The following ADAMTS16 variants were observed in gnomAD, a reference collection of about 807,000 sequenced individuals.
The protein encoded by ADAMTS16 is ADAM metallopeptidase with thrombospondin type 1 motif 16, also known as A disintegrin and metalloproteinase with thrombospondin motifs 16.
ADAMTS16 carries 94 observed loss-of-function variants against 145.8 expected under a neutral mutation model. The observed-to-expected ratio is 0.64, with a 90% CI of 0.55 to 0.77. The LOEUF (loss-of-function observed/expected upper bound fraction) is 0.77, where lower values mean the gene tolerates loss of function less well. ADAMTS16 is among the 30% of genes least tolerant of loss of function. The pLI is 0.00. For synonymous variants in ADAMTS16, 659 were observed against 604.3 expected, an observed-to-expected ratio of 1.09 and a Z score of -1.33; for missense variants, 1,585 against 1,591.5, an observed-to-expected ratio of 1.00 and a Z score of 0.07.
intron 5 of ADAMTS16, among the ~76,000 whole-genome samples, chr5:5,186,704 C>T (rs1437480572): frequency 6.6e-6 from 1 of 152,084 alleles, no homozygotes; most frequent in Non-Finnish European, 1.5e-5. Context: ...AGGAAAAGTG[C>T]AACCTTTTAG....
At chr5:5,193,070 T>C (rs1026176545) in intron 8 of ADAMTS16, among the ~76,000 whole-genome samples, 2 of 152,140 alleles carry the variant, frequency 1.3e-5, no homozygotes, top group Non-Finnish European at 2.9e-5. Context: ...TGTTTGTGAT[T>C]TGTGGTTTTG....
intron 18 of ADAMTS16, among the ~76,000 whole-genome samples, chr5:5,279,081 C>G (rs1373762550): frequency 2.6e-5 from 4 of 152,158 alleles, no homozygotes; most frequent in African/African-American, 9.7e-5. Context: ...ACAGGCCAAT[C>G]TCTCCATCCC....
chr5:5,279,872 C>A (rs75563868), intron 18 of ADAMTS16, among the ~76,000 whole-genome samples: 4,155 of 148,004 alleles, frequency 0.028, 73 homozygotes, highest in East Asian at 0.066. Flanking sequence ...ATTTTCCTTC[C>A]CTCCCTCCCT....
chr5:5,158,640 G>A (rs1246602616), intron 3 of ADAMTS16, among the ~76,000 whole-genome samples: 1 of 152,160 alleles, frequency 6.6e-6, no homozygotes, highest in African/African-American at 2.4e-5. Context: ...GCACTTTTCA[G>A]TCCTAACCAT....
chr5:5,162,663 A>G (rs1399323883), intron 3 of ADAMTS16, among the ~76,000 whole-genome samples: 3 of 152,166 alleles, frequency 2.0e-5, no homozygotes, highest in Non-Finnish European at 2.9e-5. Flanking sequence ...TTTAACTTTC[A>G]TAGCTCTGGT....
chr5:5,165,801 T>A (rs1468139521), intron 3 of ADAMTS16, among the ~76,000 whole-genome samples: 1 of 151,914 alleles, frequency 6.6e-6, no homozygotes, highest in East Asian at 1.9e-4. Flanking sequence ...CATGGGTGAG[T>A]TCAGCAATGG....
chr5:5,216,151 C>T (rs1281306293), intron 10 of ADAMTS16, among the ~76,000 whole-genome samples: 1 of 151,906 alleles, frequency 6.6e-6, no homozygotes, highest in East Asian at 1.9e-4. Context: ...GGTTTACATT[C>T]CCACCAGCAG....
chr5:5,210,534 G>A (rs2126318476), intron 10 of ADAMTS16, among the ~76,000 whole-genome samples: 1 of 152,136 alleles, frequency 6.6e-6, no homozygotes, highest in Admixed American at 6.5e-5. Context: ...CCTTCCCTGT[G>A]CCCCCTCCTT....
chr5:5,232,573 T>A, intron 12 of ADAMTS16, 57 bp downstream of exon 12: 3 of 1,303,044 alleles, frequency 2.3e-6, no homozygotes, highest in Non-Finnish European at 2.1e-6. Flanking sequence ...CCATGAACCC[T>A]CCAAGCAGTA....
At chr5:5,177,144 G>A (rs1735219513) in intron 3 of ADAMTS16, among the ~76,000 whole-genome samples, 1 of 152,202 alleles carries the variant, frequency 6.6e-6, no homozygotes, top group Non-Finnish European at 1.5e-5. Flanking sequence ...GAGGAACTGG[G>A]GTTTGCGAGA....
At chr5:5,191,851 T>A in intron 8 of ADAMTS16, 61 bp downstream of exon 8, 2 of 1,261,660 alleles carry the variant, frequency 1.6e-6, no homozygotes, top group Middle Eastern at 1.9e-4. Flanking sequence ...ATGATTTCCA[T>A]GGAAATATTG....
In ADAMTS16 at chr5:5,239,845, A is replaced by G. The variant is rs1307144713; in HGVS notation, c.2443A>G (p.Thr815Ala). Residue 815 changes from threonine to alanine, a missense_variant, in exon 16 of 23, where the codon ACT becomes GCT. Transcript: ENST00000274181. ...CGGCCGGTACAAATTTTCGGGCACT[A>G]CTTTCGACTACAGACGGTCCTATAA... ...WPGRYKFSGT[T>A]FDYRRSYNEP... 1.2e-6 allele frequency: 2 copies of G among 1,614,100 alleles called. No individual in the cohort carries two copies. Among genetic ancestry groups the G allele is most frequent in the African/African-American group, 1.3e-5 (1 of 75,000 alleles).
chr5:5,301,895 C>T (rs1739793632), intron 18 of ADAMTS16, among the ~76,000 whole-genome samples: 1 of 152,172 alleles, frequency 6.6e-6, no homozygotes, highest in African/African-American at 2.4e-5. Context: ...CTAGGTGGGA[C>T]CCCTGGTGCC....
In ADAMTS16 at chr5:5,239,740, A is replaced by G; in HGVS notation, c.2338A>G (p.Asn780Asp). 6.2e-7 allele frequency: 1 copy of G among 1,614,154 alleles called. No individual in the cohort carries two copies. The highest frequency in any genetic ancestry group is 2.2e-5 in the East Asian group (1 of 44,868). ...GARSIRIYEM[N>D]VSTSYISVRN... ...CCGGAGTATCCGCATCTATGAAATG[A>G]ACGTCTCTACCTCCTACATTTCTGT... The change falls in exon 16 of 23, where the codon AAC (asparagine) becomes GAC (aspartate). Residue 780 changes from asparagine to aspartate, a missense_variant. Physicochemically the swap from Asn to Asp is conservative, Grantham distance 23 (BLOSUM62 1). Around this residue, in one of 3 missense-constraint regions of ADAMTS16, gnomAD observed 834 missense variants for 811.7 expected, o/e 1.03. Coordinates refer to ENST00000274181, the MANE Select transcript of ADAMTS16 (RefSeq NM_139056.4).
chr5:5,237,608 G>C (rs1737147792), intron 14 of ADAMTS16, among the ~76,000 whole-genome samples: 1 of 152,152 alleles, frequency 6.6e-6, no homozygotes, highest in Admixed American at 6.5e-5. Context: ...CATGTAGATA[G>C]AGCAGGCATT....
At chr5:5,190,904 G>C (rs1376780384) in intron 7 of ADAMTS16, among the ~76,000 whole-genome samples, 1 of 152,040 alleles carries the variant, frequency 6.6e-6, no homozygotes, top group East Asian at 1.9e-4. Context: ...GGCTCATTGT[G>C]CCTAAATTGT....
intron 11 of ADAMTS16, among the ~76,000 whole-genome samples, chr5:5,229,766 GA>G (rs1276255955): frequency 6.6e-6 from 1 of 152,190 alleles, no homozygotes; most frequent in Non-Finnish European, 1.5e-5. Flanking sequence ...TCAGGGTACT[GA>G]GATATTTGGT....
chr5:5,173,046 C>T (rs75742762), intron 3 of ADAMTS16, among the ~76,000 whole-genome samples: 4,783 of 151,702 alleles, frequency 0.032, 258 homozygotes, highest in African/African-American at 0.11. Context: ...GACTCCAGCC[C>T]TTTTTTTTCC....
intron 18 of ADAMTS16, among the ~76,000 whole-genome samples, chr5:5,280,444 C>T (rs766539107): frequency 5.9e-5 from 9 of 152,108 alleles, no homozygotes; most frequent in African/African-American, 7.2e-5. Flanking sequence ...CTTATGACTA[C>T]TTAGTTGGAG....
Sources: allele counts gnomAD v4.1 joint callset (sites outside exome capture counted in the v4.1 genomes callset), GRCh38; gene constraint gnomAD v4.1.1; regional missense constraint gnomAD v4.1.1; transcripts MANE v1.5; gene names NCBI Gene and HGNC (gene_info 2026-07-23, HGNC 2026-07-21).